The following CSMD3 variants were observed in gnomAD, a reference collection of about 807,000 sequenced individuals.
The protein encoded by CSMD3 is CUB and Sushi multiple domains 3, also known as CUB and sushi domain-containing protein 3.
Under a neutral mutation model 435.2 loss-of-function variants are expected in CSMD3, and 177 were observed. The observed-to-expected ratio is 0.41, with a 90% CI of 0.36 to 0.46. The LOEUF is 0.46. CSMD3 is among the 20% of genes least tolerant of loss of function. The pLI, the probability that CSMD3 is intolerant of heterozygous loss-of-function variation, is 0.34. For synonymous variants in CSMD3, 1,656 were observed against 1,520.5 expected (o/e 1.09, Z -2.07); for missense variants, 4,265 against 4,504.6 (o/e 0.95, Z 1.52).
chr8:112,777,699 G>A (rs1255920893), intron 13 of CSMD3, among the ~76,000 whole-genome samples: 1 of 151,672 alleles, frequency 6.6e-6, no homozygotes, highest in African/African-American at 2.4e-5. Flanking sequence ...ATATCAAGCA[G>A]AAAATGAAGA....
Position 112,641,491 on chromosome 8 carries a change from A to T in CSMD3, c.3311-2580T>A, listed in dbSNP as rs57113734. 1.8e-4 allele frequency among the ~76,000 whole-genome samples: 28 copies of T among 152,288 alleles called. 1 individual carries two copies. Among genetic ancestry groups the T allele is most frequent in the African/African-American group, 6.5e-4 (27 of 41,570 alleles). ...ACTCAATATAGGAGCATAGAAATAG[A>T]GGTAACTAATTTGTCAAAGGGGTCC... is the stretch of plus-strand genomic sequence containing the variant. On this transcript the variant is annotated intron_variant, in intron 20 of 70. Transcript: ENST00000297405.
chr8:112,281,011 TACACTC>T (rs1436158373), intron 59 of CSMD3, among the ~76,000 whole-genome samples, 157 bp downstream of exon 59: 1 of 152,196 alleles, frequency 6.6e-6, no homozygotes, highest in Non-Finnish European at 1.5e-5. Context: ...GTCATTAGTA[TACACTC>T]AGCCATGGTA....
In CSMD3 at chr8:112,309,918, C is replaced by G. The variant is rs192734615; in HGVS notation, c.7885+1060G>C. 1.2e-3 allele frequency among the ~76,000 whole-genome samples: 188 copies of G among 151,958 alleles called. 1 individual carries two copies. The highest frequency in any genetic ancestry group is 6.8e-3 in the Admixed American group (104 of 15,254). On this transcript the variant is annotated intron_variant, in intron 50 of 70. Coordinates refer to ENST00000297405, the MANE Select transcript of CSMD3 (RefSeq NM_198123.2). ...TCTTACATTTTGTTTTTTATAAATGCCCACCAAAAAATAGGTAATAAGTAA... is the reference window on the plus strand; with the variant it reads ...TCTTACATTTTGTTTTTTATAAATGGCCACCAAAAAATAGGTAATAAGTAA...
At chr8:113,219,735 T>C (rs898515001) in intron 3 of CSMD3, among the ~76,000 whole-genome samples, 1 of 151,448 alleles carries the variant, frequency 6.6e-6, no homozygotes, top group Non-Finnish European at 1.5e-5. Flanking sequence ...ATACTGGGTA[T>C]AGGAAAAGCT....
intron 11 of CSMD3, among the ~76,000 whole-genome samples, chr8:112,850,422 A>C (rs1247564767): frequency 6.6e-6 from 1 of 152,202 alleles, no homozygotes; most frequent in African/African-American, 2.4e-5. Context: ...GCTTTTGTTG[A>C]TGTCTGCCAA....
Position 112,896,984 on chromosome 8 carries a change from CCT to C in CSMD3, c.1633+24641_1633+24642del, listed in dbSNP as rs2081967302. ...CCTCTGGCTTTCTAATTTCTTCACC[CCT>C]GTTCCTCCAGCTGCAGATTTTGCAC... On this transcript the variant is annotated intron_variant, in intron 10 of 70. Coordinates refer to ENST00000297405, the MANE Select transcript of CSMD3 (RefSeq NM_198123.2). Among the ~76,000 whole-genome samples the C allele has an allele frequency of 2.0e-5, 3 of 151,370 alleles. No individual in the cohort carries two copies. The South Asian group carries it at 6.2e-4, about 31-fold the overall frequency.
chr8:112,381,199 G>A (rs951106466), intron 37 of CSMD3, among the ~76,000 whole-genome samples: 14 of 152,056 alleles, frequency 9.2e-5, no homozygotes, highest in African/African-American at 3.4e-4. Context: ...GTGCCTCAAT[G>A]TTTCTTATAC....
intron 9 of CSMD3, among the ~76,000 whole-genome samples, chr8:112,928,974 G>T (rs1245023637): frequency 7.3e-6 from 1 of 137,064 alleles, no homozygotes; most frequent in Admixed American, 7.5e-5. Flanking sequence ...TTTAATGATT[G>T]CCATTCTAAC....
At chr8:112,942,257 CA>C (rs2083473649) in intron 9 of CSMD3, among the ~76,000 whole-genome samples, 1 of 146,210 alleles carries the variant, frequency 6.8e-6, no homozygotes, top group Non-Finnish European at 1.5e-5. Context: ...AAAAAACTGT[CA>C]ACGGCTGGCA....
chr8:112,554,007 C>T (rs1192372016), intron 25 of CSMD3, among the ~76,000 whole-genome samples: 1 of 151,878 alleles, frequency 6.6e-6, no homozygotes, highest in Non-Finnish European at 1.5e-5. Flanking sequence ...ACCTTAAGAG[C>T]ACAACTAAGT....
Position 112,335,430 on chromosome 8 carries a change from C to A in CSMD3, c.7064G>T (p.Gly2355Val), listed in dbSNP as rs2130948253. The part of the protein sequence containing the change: ...QNSPQIGQFS[G>V]NTALESVYST... The stretch of plus-strand genomic sequence containing the variant: ...GTAGACTGATTCCAAAGCGGTATTG[C>A]CACTGAACTGACCGATCTGAGGTGA... Residue 2355 changes from glycine to valine, a missense_variant, in exon 45 of 71, where the codon GGC (glycine) becomes GTC (valine). Transcript: ENST00000297405. The A allele has an allele frequency of 6.2e-7, 1 of 1,613,866 alleles. No homozygotes were observed. The highest frequency in any genetic ancestry group is 8.5e-7 in the Non-Finnish European group (1 of 1,179,880).
intron 11 of CSMD3, among the ~76,000 whole-genome samples, chr8:112,856,243 T>C (rs924349534): frequency 2.0e-5 from 3 of 151,922 alleles, no homozygotes; most frequent in African/African-American, 7.2e-5. Context: ...ACATCAAAAA[T>C]GTATATTAGT....
At chr8:112,383,936 T>G (rs572423947) in intron 36 of CSMD3, among the ~76,000 whole-genome samples, 1 of 152,346 alleles carries the variant, frequency 6.6e-6, no homozygotes, top group South Asian at 2.1e-4. Flanking sequence ...CATTCTCTTT[T>G]CAAAAGATTT....
chr8:113,434,282 A>C (rs1423791637), intron 1 of CSMD3, among the ~76,000 whole-genome samples: 1 of 152,132 alleles, frequency 6.6e-6, no homozygotes, highest in East Asian at 1.9e-4. Flanking sequence ...AAATCCTTAC[A>C]ACGGCTCCCC....
chr8:113,267,198 T>TA (rs1156814486), intron 3 of CSMD3, among the ~76,000 whole-genome samples: 2 of 151,528 alleles, frequency 1.3e-5, no homozygotes, highest in African/African-American at 4.8e-5. Flanking sequence ...GGAGCTTTCT[T>TA]AAAAAACTAA....
intron 13 of CSMD3, among the ~76,000 whole-genome samples, chr8:112,743,249 C>A (rs1026400231): frequency 4.6e-5 from 7 of 151,466 alleles, no homozygotes; most frequent in Non-Finnish European, 1.0e-4. Context: ...AAAATAATTT[C>A]CTCATATTAT....
At chr8:112,999,625 G>T (rs1162221081) in intron 6 of CSMD3, among the ~76,000 whole-genome samples, 1 of 151,620 alleles carries the variant, frequency 6.6e-6, no homozygotes, top group African/African-American at 2.4e-5. Context: ...GGCCAAGAAT[G>T]AGAGCAGATA....
At chr8:112,584,528 T>A (rs944778702) in intron 23 of CSMD3, among the ~76,000 whole-genome samples, 4 of 151,774 alleles carry the variant, frequency 2.6e-5, no homozygotes, top group African/African-American at 9.7e-5. Flanking sequence ...AATGTTTGCA[T>A]GGAAATAGAT....
chr8:113,197,710 CT>C (rs2132015407), intron 3 of CSMD3, among the ~76,000 whole-genome samples: 1 of 151,270 alleles, frequency 6.6e-6, no homozygotes, highest in African/African-American at 2.4e-5. Flanking sequence ...TTAAAACGAT[CT>C]TATAGTACAG....
Sources: gnomAD v4.1 joint callset for allele counts (sites outside exome capture counted in the v4.1 genomes callset) on GRCh38, gnomAD v4.1.1 for gene constraint, MANE v1.5 for transcripts, NCBI Gene and HGNC (gene_info 2026-07-23, HGNC 2026-07-21) for gene names.